The following HSPH1 variants were observed in gnomAD, a reference collection of about 807,000 sequenced individuals.
HSPH1 encodes the protein heat shock protein 105 kDa.
HSPH1 carries 40 observed loss-of-function variants against 100.0 expected under a neutral mutation model. That is an observed-to-expected ratio of 0.40 (90% confidence interval 0.31 to 0.52). The LOEUF is 0.52. Among genes scored for constraint, HSPH1 ranks in the 20% least tolerant of loss-of-function variants. The pLI is 0.54. For missense variants in HSPH1, 876 were observed against 1,015.1 expected, an observed-to-expected ratio of 0.86 and a Z score of 1.86; for synonymous variants, 403 against 344.0, an observed-to-expected ratio of 1.17 and a Z score of -1.90.
intron 9 of HSPH1, 21 bp from the exon 10 acceptor site, chr13:31,148,113 C>A (rs753954132): frequency 2.4e-5 from 39 of 1,596,788 alleles, no homozygotes; most frequent in Non-Finnish European, 3.1e-5. Flanking sequence ...AAGAAAAAGG[C>A]ATTCAGCAGA....
At chr13:31,161,200 T>C (rs185978053) in intron 1 of HSPH1, among the ~76,000 whole-genome samples, 4 of 152,140 alleles carry the variant, frequency 2.6e-5, no homozygotes, top group South Asian at 2.1e-4. Flanking sequence ...AAACCCCCAA[T>C]AGGAAGCCCG....
chr13:31,148,831 G>T (rs1016993531), intron 8 of HSPH1, among the ~76,000 whole-genome samples: 8 of 151,930 alleles, frequency 5.3e-5, no homozygotes, highest in African/African-American at 1.9e-4. Context: ...ATACATACAT[G>T]AACAGTTCTG....
At chr13:31,142,529 C>G (rs1441641371) in intron 12 of HSPH1, among the ~76,000 whole-genome samples, 1 of 152,022 alleles carries the variant, frequency 6.6e-6, no homozygotes, top group African/African-American at 2.4e-5. Context: ...CACTGGAGAG[C>G]AACAGATGTT....
At chr13:31,153,857 A>C (rs1045107576) in intron 4 of HSPH1, 1 of 147,344 alleles carries the variant, frequency 6.8e-6, no homozygotes, top group Non-Finnish European at 1.5e-5. Flanking sequence ...AAAGGAAGGG[A>C]GAGAGTGGGG....
Position 31,150,081 on chromosome 13 carries a change from G to T in HSPH1, c.1010C>A (p.Ala337Glu). 6.2e-7 allele frequency: 1 copy of T among 1,613,584 alleles called. No homozygotes were observed. Among genetic ancestry groups the T allele is most frequent in the East Asian group, 2.2e-5 (1 of 44,876 alleles). The change falls in exon 8 of 18, where the codon GCA becomes GAA. Residue 337 changes from alanine (A) to glutamate (E), a missense_variant. Ala to Glu is a moderately radical substitution (Grantham distance 107). Coordinates refer to ENST00000320027, the MANE Select transcript of HSPH1 (RefSeq NM_006644.4). ...QTHLKVEDVS[A>E]VEIVGGATRI... ...TGTAGCGCCTCCAACAATCTCAACT[G>T]CACTCACATCTTCTACTTTGAGATG...
At chr13:31,161,982 C>G (rs1451218196), upstream of HSPH1, 5 of 1,535,882 alleles carry the variant, frequency 3.3e-6, no homozygotes, top group African/African-American at 2.7e-5. Context: ...ATTTACTCAC[C>G]GGCGCCTCCA....
intron 10 of HSPH1, 96 bp downstream of exon 10, chr13:31,147,863 C>A: frequency 9.7e-7 from 1 of 1,032,622 alleles, no homozygotes; most frequent in South Asian, 1.8e-5. Context: ...TTCCCCTCAA[C>A]ATTACTAAGA....
intron 8 of HSPH1, among the ~76,000 whole-genome samples, chr13:31,149,373 A>C (rs1223470250): frequency 6.6e-6 from 1 of 152,170 alleles, no homozygotes; most frequent in African/African-American, 2.4e-5. Context: ...ACTTTATTTA[A>C]AACTATATTT....
chr13:31,153,141 G>A (rs1956549039), intron 4 of HSPH1, among the ~76,000 whole-genome samples, 190 bp from the exon 5 acceptor site: 1 of 152,144 alleles, frequency 6.6e-6, no homozygotes. Flanking sequence ...TGAAAAGGCT[G>A]TCCCAAAATT....
intron 12 of HSPH1, among the ~76,000 whole-genome samples, chr13:31,142,134 C>T (rs1956119479): frequency 6.6e-6 from 1 of 152,012 alleles, no homozygotes; most frequent in Non-Finnish European, 1.5e-5. Context: ...TAACATGTAT[C>T]CTGTAGGTAG....
chr13:31,143,988 T>C, intron 11 of HSPH1, 65 bp from the exon 12 acceptor site: 2 of 1,343,720 alleles, frequency 1.5e-6, no homozygotes, highest in Non-Finnish European at 2.0e-6. Flanking sequence ...TTTTTAAAGT[T>C]AAAGGGCACC....
In HSPH1 at chr13:31,137,189, C is replaced by A; in HGVS notation, c.*129G>T. 2 of 731,368 alleles carry A rather than the reference C, an allele frequency of 2.7e-6. No homozygotes were observed. The highest frequency in any genetic ancestry group is 3.3e-5 in the South Asian group (2 of 61,388). The allele number at this position is 731,368 out of a possible 1,614,324, so 45.3% of individuals were successfully genotyped here. ...CAGACTTAAGCTTTTTTTCTTTTTC[C>A]ATATAATACACAAAATTTCTAAATA... On this transcript the variant is annotated 3_prime_UTR_variant, in exon 18 of 18. Coordinates refer to ENST00000320027, the MANE Select transcript of HSPH1 (RefSeq NM_006644.4).
chr13:31,147,637 C>A (rs865802005), intron 10 of HSPH1, among the ~76,000 whole-genome samples: 5 of 152,114 alleles, frequency 3.3e-5, no homozygotes, highest in Admixed American at 1.3e-4. Flanking sequence ...ATTAAAAGCA[C>A]GGATAATCCT....
At position 31,161,738 on chromosome 13, in the gene HSPH1, C is replaced by T; in HGVS notation, c.-156G>A. 1 of 1,532,206 alleles carries T rather than the reference C, an allele frequency of 6.5e-7. No homozygotes were observed. The allele number at this position is 1,532,206 out of a possible 1,614,324, so 94.9% of individuals were successfully genotyped here. On this transcript the variant is annotated 5_prime_UTR_variant, in exon 1 of 18. Transcript: ENST00000320027. ...ACACTCAGAAGGACACACAGACAGC[C>T]GCGGCCTGTCAGGAGCCTCCTACTC...
chr13:31,138,384 A>C, intron 17 of HSPH1, 23 bp downstream of exon 17: 2 of 1,608,938 alleles, frequency 1.2e-6, no homozygotes, highest in African/African-American at 1.3e-5. Context: ...ACCCAGCAGT[A>C]AACACGAGAC....
chr13:31,145,651 T>C lies in HSPH1; in HGVS notation c.1496A>G (p.Glu499Gly). ...IFTISTASMV[E>G]KVPTEENEMS... ...TTCATTCTCCTCAGTTGGGACTTTC[T>C]CCACCATAGATGCCGTAGAGATGGT... Residue 499 changes from glutamate to glycine, a missense_variant, in exon 11 of 18, where the codon GAG becomes GGG. Transcript: ENST00000320027. The C allele has an allele frequency of 1.9e-6, 3 of 1,613,706 alleles. No individual in the cohort carries two copies. The highest frequency in any genetic ancestry group is 2.5e-6 in the Non-Finnish European group (3 of 1,179,788).
chr13:31,138,756 C>T (rs1955976830), intron 16 of HSPH1, 25 bp downstream of exon 16: 1 of 1,592,458 alleles, frequency 6.3e-7, no homozygotes, highest in Non-Finnish European at 8.5e-7. Context: ...TAACTTCCTC[C>T]CTATGTACAA....
In HSPH1 at chr13:31,140,553, T is replaced by TAAA. The variant is rs35691238; in HGVS notation, c.1855-247_1855-245dup. The TAAA allele has an allele frequency of 7.9e-3, 1,258 of 158,666 alleles. 6 individuals are homozygous for TAAA. Among genetic ancestry groups the TAAA allele is most frequent in the Non-Finnish European group, 9.5e-3 (732 of 77,250 alleles). The allele number at this position is 158,666 out of a possible 1,614,324, so 9.8% of individuals were successfully genotyped here. A position where few individuals can be genotyped will look rare whatever the true frequency, so the allele number is the denominator to read the frequency against. ...ATTACACAGACTTCATATTTAATGCTAAAAAAAAAAAAAAAAAATCAAGCT... is the reference window on the plus strand; with the variant it reads ...ATTACACAGACTTCATATTTAATGCTAAAAAAAAAAAAAAAAAAAAATCAAGCT... On this transcript the variant is annotated intron_variant, in intron 13 of 17. Transcript: ENST00000320027.
Position 31,161,715 on chromosome 13 carries a change from A to G in HSPH1, c.-133T>C. 1 of 1,535,626 alleles carries G rather than the reference A, an allele frequency of 6.5e-7. No homozygotes were observed. Among genetic ancestry groups the G allele is most frequent in the Admixed American group, 2.0e-5 (1 of 51,060 alleles). On this transcript the variant is annotated 5_prime_UTR_variant, in exon 1 of 18. Transcript: ENST00000320027. ...CGCGGGGTCTGGCCGTTCCTCTGAC[A>G]CTCAGAAGGACACACAGACAGCCGC... is the stretch of plus-strand genomic sequence containing the variant.
Sources: allele counts gnomAD v4.1 joint callset (sites outside exome capture counted in the v4.1 genomes callset), GRCh38; gene constraint gnomAD v4.1.1; transcripts MANE v1.5; gene names NCBI Gene and HGNC (gene_info 2026-07-23, HGNC 2026-07-21).